LIPH: variants seen among roughly 807,000 people sequenced by gnomAD.
LIPH encodes lipase member H.
Under a neutral mutation model 47.6 loss-of-function variants are expected in LIPH, and 32 were observed. The ratio of observed to expected loss-of-function variants is 0.67; its 90% confidence interval spans 0.51 to 0.90. The LOEUF is 0.90. LIPH is among the 40% of genes least tolerant of loss of function. LIPH has a pLI of 0.00. For synonymous variants in LIPH, 190 were observed against 195.6 expected, an observed-to-expected ratio of 0.97 and a Z score of 0.24; for missense variants, 497 against 541.4, an observed-to-expected ratio of 0.92 and a Z score of 0.81.
chr3:185,526,604 ATAAAAAAT>A (rs1310986273), intron 4 of LIPH, among the ~76,000 whole-genome samples: 2 of 125,512 alleles, frequency 1.6e-5, no homozygotes, highest in African/African-American at 6.0e-5. Context: ...ATAAAATAAA[ATAAAAAAT>A]AAAATAATAA....
intron 1 of LIPH, among the ~76,000 whole-genome samples, chr3:185,547,748 C>T (rs1720919839): frequency 6.6e-6 from 1 of 151,198 alleles, no homozygotes; most frequent in Non-Finnish European, 1.5e-5. Context: ...TTGCTTGAAT[C>T]TGGGAGGCAG....
At position 185,529,976 on chromosome 3, in the gene LIPH, A is replaced by AAGAAAGAAAGAAAG. The variant is rs796155621; in HGVS notation, c.527-2392_527-2391insCTTTCTTTCTTTCT. Among the ~76,000 whole-genome samples the AAGAAAGAAAGAAAG allele has an allele frequency of 5.1e-4, 54 of 104,984 alleles. 2 individuals carry two copies. The highest frequency in any genetic ancestry group is 5.0e-3 in the Middle Eastern group (1 of 200). 68.9% of individuals were successfully genotyped at this position (104,984 alleles called of 152,430 possible). Reference sequence around the variant, plus strand: ...AAAGAAAGAAAGAAGGAAAGAAAGAAAGAGAGAGAGAGAGAAAATAAGCAG... The same window carrying AAGAAAGAAAGAAAG: ...AAAGAAAGAAAGAAGGAAAGAAAGAAAGAAAGAAAGAAAGAGAGAGAGAGAGAGAAAATAAGCAG... On this transcript the variant is annotated intron_variant, in intron 3 of 9. Transcript: ENST00000296252.
chr3:185,540,252 T>C (rs1418246847), intron 1 of LIPH, among the ~76,000 whole-genome samples: 2 of 152,224 alleles, frequency 1.3e-5, no homozygotes, highest in Non-Finnish European at 2.9e-5. Context: ...GGCAATGCTA[T>C]GTTTTCCAGG....
At position 185,509,971 on chromosome 3, in the gene LIPH, G is replaced by A. The variant is rs193243088; in HGVS notation, c.1269-1094C>T. Among the ~76,000 whole-genome samples, 344 of 145,502 alleles carry A rather than the reference G, an allele frequency of 2.4e-3. 3 individuals carry two copies. The highest frequency in any genetic ancestry group is 0.012 in the East Asian group (61 of 5,030). On this transcript the variant is annotated intron_variant, in intron 9 of 9. Coordinates refer to ENST00000296252, the MANE Select transcript of LIPH (RefSeq NM_139248.3). ...CTTTTTTTTTTTTTTTTTTGAGACA[G>A]GGTCTCACTCTGTCACCCAGGCTGG...
chr3:185,526,308 C>A (rs1421272170), intron 4 of LIPH, among the ~76,000 whole-genome samples: 1 of 152,036 alleles, frequency 6.6e-6, no homozygotes, highest in Non-Finnish European at 1.5e-5. Flanking sequence ...ATCACCTGAC[C>A]TCAGGAGTTT....
At chr3:185,551,246 T>C (rs1024093715) in intron 1 of LIPH, among the ~76,000 whole-genome samples, 12 of 152,214 alleles carry the variant, frequency 7.9e-5, no homozygotes, top group African/African-American at 2.9e-4. Context: ...TCATCATTGG[T>C]ATGATTTTAA....
chr3:185,527,470 G>C lies in LIPH; in HGVS notation c.628+14C>G, dbSNP rs369462467. The C allele has an allele frequency of 5.1e-6, 8 of 1,579,746 alleles. No individual in the cohort carries two copies. The highest frequency in any genetic ancestry group is 1.7e-6 in the Non-Finnish European group (2 of 1,149,450). On this transcript the variant is annotated intron_variant, in intron 4 of 9. Coordinates refer to ENST00000296252, the MANE Select transcript of LIPH (RefSeq NM_139248.3). ...CCTGGCGGTGTCACTGACCCACAAG[G>C]AAAGGAGCGTTACCATCAGTGTCGG...
chr3:185,538,976 T>A (rs550947166), intron 1 of LIPH, among the ~76,000 whole-genome samples: 15 of 150,230 alleles, frequency 1.0e-4, no homozygotes, highest in South Asian at 4.2e-4. Context: ...TATTTTTTTT[T>A]ATTTTATTTT....
chr3:185,540,762 T>A (rs1358374198), intron 1 of LIPH, among the ~76,000 whole-genome samples: 1 of 152,056 alleles, frequency 6.6e-6, no homozygotes, highest in East Asian at 1.9e-4. Context: ...AAATCCTTTT[T>A]CATGGAATGT....
chr3:185,536,740 A>G (rs1036353539), intron 1 of LIPH, among the ~76,000 whole-genome samples: 5 of 152,166 alleles, frequency 3.3e-5, no homozygotes, highest in African/African-American at 1.2e-4. Flanking sequence ...ACACGTGGCT[A>G]GATGTTACTT....
At position 185,535,106 on chromosome 3, in the gene LIPH, T is replaced by C. The variant is rs1001254325; in HGVS notation, c.76A>G (p.Thr26Ala). 4.3e-6 allele frequency: 7 copies of C among 1,614,202 alleles called. No homozygotes were observed. Among genetic ancestry groups the C allele is most frequent in the Non-Finnish European group, 5.9e-6 (7 of 1,180,030 alleles). ...ACTGCACTGTGAAAGCTCAGCCTGG[T>C]GAATGAAGGACATGTTTCTTCTGCG... ...SDAEETCPSF[T>A]RLSFHSAVVG... Residue 26 changes from threonine to alanine, a missense_variant, in exon 2 of 10, where the codon ACC becomes GCC. Thr to Ala is a moderately conservative substitution (Grantham distance 58). Coordinates refer to ENST00000296252, the MANE Select transcript of LIPH (RefSeq NM_139248.3).
Position 185,534,774 on chromosome 3 carries a change from G to T in LIPH, c.408C>A (p.Asp136Glu), listed in dbSNP as rs200839025. The T allele has an allele frequency of 1.1e-4, 177 of 1,613,230 alleles. 1 individual carries two copies. The highest frequency in any genetic ancestry group is 1.8e-4 in the Middle Eastern group (1 of 5,646). Residue 136 changes from aspartate to glutamate, a missense_variant, in exon 2 of 10, where the codon GAC (aspartate) becomes GAA (glutamate). Asp to Glu is a conservative substitution (Grantham distance 45). Coordinates refer to ENST00000296252, the MANE Select transcript of LIPH (RefSeq NM_139248.3). ...KVAMVLKEFI[D>E]QMLAEGASLD... ...AAGAGAATTCTCTTACCAACATCTG[G>T]TCAATAAATTCCTTCAAGACCATGG...
chr3:185,512,033 T>C (rs2148946425), intron 8 of LIPH, among the ~76,000 whole-genome samples: 1 of 151,942 alleles, frequency 6.6e-6, no homozygotes, highest in East Asian at 1.9e-4. Context: ...TCTCTCCAAC[T>C]CCCCAGAACA....
In LIPH at chr3:185,514,414, T is replaced by A. The variant is rs369971367; in HGVS notation, c.1090A>T (p.Asn364Tyr). The A allele has an allele frequency of 2.8e-6, 4 of 1,418,012 alleles. No individual in the cohort carries two copies. Among genetic ancestry groups the A allele is most frequent in the African/African-American group, 2.8e-5 (2 of 71,106 alleles). 87.8% of individuals were successfully genotyped at this position (1,418,012 alleles called of 1,614,324 possible). ...AACAATTGTAACTCAACTTACTGAT[T>A]GATTTTGGATTCTGTGGTGTTTCCA... is the stretch of plus-strand genomic sequence containing the variant. ...KAGNTTESKI[N>Y]HEPTTFQKYH... The change falls in exon 8 of 10, where the codon AAT becomes TAT. Residue 364 changes from asparagine to tyrosine, a missense_variant. By Grantham distance (143) the Asn-to-Tyr change is moderately radical. Coordinates refer to ENST00000296252, the MANE Select transcript of LIPH (RefSeq NM_139248.3).
chr3:185,512,717 G>C (rs1478543443), intron 8 of LIPH, among the ~76,000 whole-genome samples: 4 of 151,636 alleles, frequency 2.6e-5, no homozygotes, highest in African/African-American at 9.7e-5. Context: ...TTGAACTCCT[G>C]ACCTCAGGTG....
At chr3:185,539,303 T>C (rs1424522769) in intron 1 of LIPH, among the ~76,000 whole-genome samples, 4 of 151,998 alleles carry the variant, frequency 2.6e-5, no homozygotes, top group Admixed American at 6.6e-5. Flanking sequence ...GCTCTCTTGT[T>C]GTCAGCATTT....
Position 185,519,227 on chromosome 3 carries a change from C to A in LIPH, c.801G>T (p.Ala267=). The change falls in exon 6 of 10, where the codon GCG becomes GCT. Residue 267 remains alanine (A), a synonymous_variant. Coordinates refer to ENST00000296252, the MANE Select transcript of LIPH (RefSeq NM_139248.3). ...SSLRESCTIT[A]YPCDSYQDYR... is the part of the protein sequence containing the mutation. ...AATCCTGGTAGGAGTCACAGGGATA[C>A]GCAGTGATGGTGCAGCTCTCTCTCA... is the stretch of plus-strand genomic sequence containing the variant. The A allele has an allele frequency of 6.2e-7, 1 of 1,612,426 alleles. No individual in the cohort carries two copies. The highest frequency in any genetic ancestry group is 8.5e-7 in the Non-Finnish European group (1 of 1,178,504).
Position 185,534,968 on chromosome 3 carries a change from T to G in LIPH, c.214A>C (p.Thr72Pro). The part of the protein sequence containing the change: ...FGNLNVTKKT[T>P]FIVHGFRPTG... ...GGCCTGAATCCATGGACAATGAAGG[T>G]GGTTTTCTTGGTCACATTCAAGTTC... The change falls in exon 2 of 10, where the codon ACC becomes CCC. Residue 72 changes from threonine to proline, a missense_variant. Coordinates refer to ENST00000296252, the MANE Select transcript of LIPH (RefSeq NM_139248.3). 6.2e-7 allele frequency: 1 copy of G among 1,613,920 alleles called. No homozygotes were observed. The highest frequency in any genetic ancestry group is 1.1e-5 in the South Asian group (1 of 91,006).
chr3:185,517,398 CAGT>C (rs1719762412), intron 6 of LIPH, among the ~76,000 whole-genome samples: 1 of 152,176 alleles, frequency 6.6e-6, no homozygotes, highest in East Asian at 1.9e-4. Flanking sequence ...TACTGGTTCT[CAGT>C]AGCAGGGTGG....
Sources: allele counts gnomAD v4.1 joint callset (sites outside exome capture counted in the v4.1 genomes callset), GRCh38; gene constraint gnomAD v4.1.1; transcripts MANE v1.5; gene names NCBI Gene and HGNC (gene_info 2026-07-23, HGNC 2026-07-21).